The following PAK5 variants were observed in gnomAD, a reference collection of about 807,000 sequenced individuals.
PAK5 encodes serine/threonine-protein kinase PAK 5.
In PAK5, 16 loss-of-function variants were observed where a neutral mutation model predicts 65.9. The observed-to-expected ratio is 0.24, with a 90% CI of 0.16 to 0.37. The LOEUF (loss-of-function observed/expected upper bound fraction) is 0.37, where lower values mean the gene tolerates loss of function less well. Ranked by LOEUF, PAK5 falls within the 10% of genes least tolerant of loss-of-function variation. PAK5 has a pLI of 1.00. For synonymous variants in PAK5, 371 were observed against 354.9 expected, an observed-to-expected ratio of 1.05 and a Z score of -0.51; for missense variants, 785 against 903.9, an observed-to-expected ratio of 0.87 and a Z score of 1.69.
intron 1 of PAK5, among the ~76,000 whole-genome samples, chr20:9,793,101 A>C (rs1196298728): frequency 6.6e-6 from 1 of 152,104 alleles, no homozygotes; most frequent in Non-Finnish European, 1.5e-5. Flanking sequence ...AGAAGAGTTT[A>C]TGTATCACAT....
At chr20:9,563,628 A>G (rs1222416583) in intron 5 of PAK5, among the ~76,000 whole-genome samples, 2 of 152,212 alleles carry the variant, frequency 1.3e-5, no homozygotes, top group African/African-American at 4.8e-5. Flanking sequence ...TGCTTGCTGG[A>G]GAGAGCTTCC....
At chr20:9,707,329 C>G (rs1279252040) in intron 2 of PAK5, among the ~76,000 whole-genome samples, 1 of 152,044 alleles carries the variant, frequency 6.6e-6, no homozygotes, top group African/African-American at 2.4e-5. Flanking sequence ...AGGCTGGTCT[C>G]AAACTCCTGG....
At chr20:9,646,089 C>T (rs2123282117) in intron 2 of PAK5, among the ~76,000 whole-genome samples, 1 of 152,294 alleles carries the variant, frequency 6.6e-6, no homozygotes, top group South Asian at 2.1e-4. Context: ...ACTAAAATCA[C>T]CCTGAACAGC....
chr20:9,664,976 G>A (rs753482322), intron 2 of PAK5, among the ~76,000 whole-genome samples: 2 of 151,660 alleles, frequency 1.3e-5, no homozygotes, highest in Non-Finnish European at 2.9e-5. Flanking sequence ...GCCCAGGCTA[G>A]AGTCATGATC....
chr20:9,568,996 G>A (rs1053130893), intron 4 of PAK5, among the ~76,000 whole-genome samples: 9 of 152,172 alleles, frequency 5.9e-5, no homozygotes, highest in African/African-American at 2.2e-4. Flanking sequence ...TCAGATGACT[G>A]TGTTCCTGTT....
At chr20:9,791,502 T>C (rs560100364) in intron 1 of PAK5, among the ~76,000 whole-genome samples, 3 of 152,136 alleles carry the variant, frequency 2.0e-5, no homozygotes, top group East Asian at 3.9e-4. Flanking sequence ...GCTTGACCTA[T>C]ATAAGACTTC....
chr20:9,649,909 A>G (rs916321639), intron 2 of PAK5, among the ~76,000 whole-genome samples: 5 of 152,206 alleles, frequency 3.3e-5, no homozygotes, highest in African/African-American at 9.6e-5. Context: ...TGAGGCCTAC[A>G]GGAGTTAAAA....
chr20:9,685,526 A>G (rs1471938565), intron 2 of PAK5, among the ~76,000 whole-genome samples: 1 of 152,226 alleles, frequency 6.6e-6, no homozygotes, highest in East Asian at 1.9e-4. Flanking sequence ...TAGGAGAAAT[A>G]TGTGGAACAG....
chr20:9,697,766 A>G (rs1443416715), intron 2 of PAK5, among the ~76,000 whole-genome samples: 3 of 152,144 alleles, frequency 2.0e-5, no homozygotes, highest in Non-Finnish European at 2.9e-5. Context: ...TATTTTAAAA[A>G]GGAAGCTTTT....
Position 9,801,136 on chromosome 20 carries a change from T to C in PAK5, c.-162+37626A>G, listed in dbSNP as rs148401772. ...TACTTCAATATTACTGTTGTCCCTA[T>C]GAGAAAACAAATGATGAAAACCTCC... is the stretch of plus-strand genomic sequence containing the variant. On this transcript the variant is annotated intron_variant, in intron 1 of 9. Coordinates refer to ENST00000353224, the MANE Select transcript of PAK5 (RefSeq NM_177990.4). Among the ~76,000 whole-genome samples, 271 of 152,202 alleles carry C rather than the reference T, an allele frequency of 1.8e-3. 2 individuals are homozygous for C. Among genetic ancestry groups the C allele is most frequent in the Middle Eastern group, 0.017 (5 of 294 alleles).
At chr20:9,544,870 T>C (rs1261606681) in intron 7 of PAK5, among the ~76,000 whole-genome samples, 1 of 152,252 alleles carries the variant, frequency 6.6e-6, no homozygotes, top group Non-Finnish European at 1.5e-5. Context: ...CATAAGTTGC[T>C]ATTCTTAATA....
At chr20:9,713,741 G>T (rs1238813112) in intron 1 of PAK5, among the ~76,000 whole-genome samples, 1 of 152,082 alleles carries the variant, frequency 6.6e-6, no homozygotes, top group African/African-American at 2.4e-5. Flanking sequence ...AGGTTATTAT[G>T]TTAAGTGAAA....
chr20:9,751,796 AT>A (rs2048579911), intron 1 of PAK5, among the ~76,000 whole-genome samples: 1 of 152,190 alleles, frequency 6.6e-6, no homozygotes, highest in African/African-American at 2.4e-5. Flanking sequence ...TGCTATGAAA[AT>A]ATGGAAATAA....
At chr20:9,799,888 C>T (rs1207867452) in intron 1 of PAK5, among the ~76,000 whole-genome samples, 2 of 132,752 alleles carry the variant, frequency 1.5e-5, no homozygotes, top group East Asian at 4.6e-4. Flanking sequence ...TTGTTGTGAG[C>T]CAAGACCACA....
intron 1 of PAK5, among the ~76,000 whole-genome samples, chr20:9,832,792 T>C (rs1188232224): frequency 6.6e-6 from 1 of 152,244 alleles, no homozygotes; most frequent in African/African-American, 2.4e-5. Flanking sequence ...ATTAAACGTG[T>C]GCATTGGTCT....
chr20:9,638,121 T>C (rs1374911290), intron 3 of PAK5, among the ~76,000 whole-genome samples: 1 of 152,188 alleles, frequency 6.6e-6, no homozygotes, highest in African/African-American at 2.4e-5. Context: ...CCAGGGAAAT[T>C]CTTATGAAAG....
chr20:9,669,928 C>A (rs964380514), intron 2 of PAK5, among the ~76,000 whole-genome samples: 2 of 152,018 alleles, frequency 1.3e-5, no homozygotes, highest in Non-Finnish European at 2.9e-5. Context: ...CTGCCTCCCC[C>A]CCACCCCACA....
chr20:9,539,642 C>T, intron 9 of PAK5, 25 bp from the exon 10 acceptor site: 1 of 1,608,170 alleles, frequency 6.2e-7, no homozygotes, highest in Non-Finnish European at 8.5e-7. Context: ...AGATACCAAT[C>T]TGAGGACTAA....
intron 3 of PAK5, among the ~76,000 whole-genome samples, chr20:9,618,918 T>G (rs1266532570): frequency 4.1e-5 from 3 of 73,052 alleles, no homozygotes; most frequent in Admixed American, 1.5e-4. Context: ...TTCTTTCGTT[T>G]TTTTTTTTTT....
Sources: gnomAD v4.1 joint callset for allele counts (sites outside exome capture counted in the v4.1 genomes callset) on GRCh38, gnomAD v4.1.1 for gene constraint, MANE v1.5 for transcripts, NCBI Gene and HGNC (gene_info 2026-07-23, HGNC 2026-07-21) for gene names.